SYNE2: variants seen among roughly 807,000 people sequenced by gnomAD.
The protein encoded by SYNE2 is spectrin repeat containing nuclear envelope protein 2.
SYNE2 carries 431 observed loss-of-function variants against 856.3 expected under a neutral mutation model. That is an observed-to-expected ratio of 0.50 (90% CI 0.47 to 0.55). The LOEUF is 0.55. SYNE2 is among the 20% of genes least tolerant of loss of function. The probability of loss-of-function intolerance (pLI) is 0.00; values close to 1 mark genes in which losing one functional copy is unlikely to be tolerated. For missense variants in SYNE2, 8,129 were observed against 8,023.2 expected (o/e 1.01, Z -0.50); for synonymous variants, 2,923 against 2,872.3 (o/e 1.02, Z -0.56).
chr14:63,811,661 T>A (rs1032020501), intron 1 of SYNE2, among the ~76,000 whole-genome samples: 16 of 152,216 alleles, frequency 1.1e-4, no homozygotes, highest in Non-Finnish European at 2.4e-4. Context: ...AGGTTCTTTC[T>A]ATTTTCCCTA....
chr14:63,800,409 A>G (rs1157392835), intron 1 of SYNE2, among the ~76,000 whole-genome samples: 4 of 152,034 alleles, frequency 2.6e-5, no homozygotes, highest in Non-Finnish European at 5.9e-5. Flanking sequence ...GAGCCTCCCA[A>G]AGAGCTGGGA....
At chr14:63,782,177 T>C (rs1218535034) in intron 1 of SYNE2, among the ~76,000 whole-genome samples, 1 of 149,274 alleles carries the variant, frequency 6.7e-6, no homozygotes, top group Non-Finnish European at 1.5e-5. Flanking sequence ...GAAAAGGGCT[T>C]AAAGAATGAT....
chr14:63,843,409 G>A (rs1177879073), intron 1 of SYNE2, among the ~76,000 whole-genome samples: 9 of 152,046 alleles, frequency 5.9e-5, no homozygotes, highest in African/African-American at 2.2e-4. Context: ...GAATTATCTT[G>A]GGTTTTCTAG....
chr14:63,844,270 C>T (rs1890160135), intron 1 of SYNE2, among the ~76,000 whole-genome samples: 2 of 152,178 alleles, frequency 1.3e-5, no homozygotes, highest in Admixed American at 1.3e-4. Context: ...TACTTGGAGT[C>T]ATACAGTACG....
intron 53 of SYNE2, chr14:64,075,510 T>C (rs1479177045): frequency 4.7e-6 from 1 of 214,850 alleles, no homozygotes; most frequent in Admixed American, 5.3e-5. Context: ...TGTGGGGCTT[T>C]TAGTGGCCTT....
Position 64,220,568 on chromosome 14 carries a change from C to G in SYNE2, c.19992C>G (p.Leu6664=). The change falls in exon 111 of 116, where the codon CTC becomes CTG. Residue 6664 remains leucine, a synonymous_variant. Transcript: ENST00000555002. Reference sequence around the variant, plus strand: ...GTAGACTCCGCCAGCTGAGCCTGCTCTGGGAAGCAGCACAGGGCGCAGTGG... The same window carrying G: ...GTAGACTCCGCCAGCTGAGCCTGCTGTGGGAAGCAGCACAGGGCGCAGTGG... ...LQSRLRQLSL[L]WEAAQGAVDS... 6.2e-7 allele frequency: 1 copy of G among 1,614,174 alleles called. No homozygotes were observed. Among genetic ancestry groups the G allele is most frequent in the Non-Finnish European group, 8.5e-7 (1 of 1,180,020 alleles).
chr14:63,934,740 CCTGATA>C (rs2095808745), intron 2 of SYNE2, among the ~76,000 whole-genome samples: 2 of 152,046 alleles, frequency 1.3e-5, no homozygotes, highest in Admixed American at 1.3e-4. Context: ...GTCTCTTGGA[CCTGATA>C]CTATTGCTGA....
In SYNE2 at chr14:64,119,612, A is replaced by G. The variant is rs749538562; in HGVS notation, c.13023+3A>G. On this transcript the variant is annotated splice_donor_region_variant and intron_variant, in intron 67 of 115. Transcript: ENST00000555002. ...AGGAGAAGCACAGTGAAGATCAGGT[A>G]AAAAATGACTATCTATGGACATTCA... The G allele has an allele frequency of 6.8e-6, 11 of 1,613,816 alleles. No individual in the cohort carries two copies. Among genetic ancestry groups the G allele is most frequent in the Middle Eastern group, 3.3e-4 (2 of 6,082 alleles).
At chr14:63,807,865 A>ATATATATATATATT (rs1267385896) in intron 1 of SYNE2, among the ~76,000 whole-genome samples, 29 of 97,392 alleles carry the variant, frequency 3.0e-4, no homozygotes, top group African/African-American at 9.3e-4. Flanking sequence ...ATATATATAT[A>ATATATATATATATT]ATTTCAATAG....
At position 63,906,487 on chromosome 14, in the gene SYNE2, G is replaced by A. The variant is rs1319663941; in HGVS notation, c.-51-2611G>A. On this transcript the variant is annotated intron_variant, in intron 1 of 115. Transcript: ENST00000555002. ...AAAAAATTATTATTGGTTCAACTTC[G>A]GAGTTTGATATTGGTCTACTCAAGA... 3.9e-5 allele frequency among the ~76,000 whole-genome samples: 6 copies of A among 152,086 alleles called. No individual in the cohort carries two copies. The East Asian group carries it at 7.7e-4, about 20-fold the overall frequency.
chr14:64,002,708 T>C lies in SYNE2; in HGVS notation c.3787-12T>C, dbSNP rs1321975749. 3 of 1,610,702 alleles carry C rather than the reference T, an allele frequency of 1.9e-6. No individual in the cohort carries two copies. Among genetic ancestry groups the C allele is most frequent in the African/African-American group, 1.3e-5 (1 of 74,806 alleles). ...CACCTCAGTGTTTTAGCTTTTCTTATCTTTATTTTAGAATATCCAAGATTC... is the reference window on the plus strand; with the variant it reads ...CACCTCAGTGTTTTAGCTTTTCTTACCTTTATTTTAGAATATCCAAGATTC... On this transcript the variant is annotated splice_polypyrimidine_tract_variant and intron_variant, in intron 29 of 115. Transcript: ENST00000555002.
At position 64,098,879 on chromosome 14, in the gene SYNE2, A is replaced by G. The variant is rs752526490; in HGVS notation, c.12381+58A>G. 1.5e-5 allele frequency: 23 copies of G among 1,536,356 alleles called. No individual in the cohort carries two copies. The East Asian group carries it at 5.2e-4, about 35-fold the overall frequency. On this transcript the variant is annotated intron_variant, in intron 63 of 115. Coordinates refer to ENST00000555002, the MANE Select transcript of SYNE2 (RefSeq NM_182914.3). Reference sequence around the variant, plus strand: ...TAGAACCAGATCTCTAAAAGAAGTCAATGAAAAGATCTTAAAGTGAATGGA... The same window carrying G: ...TAGAACCAGATCTCTAAAAGAAGTCGATGAAAAGATCTTAAAGTGAATGGA...
chr14:63,767,502 A>G (rs1346074857), intron 1 of SYNE2, among the ~76,000 whole-genome samples: 1 of 152,182 alleles, frequency 6.6e-6, no homozygotes, highest in African/African-American at 2.4e-5. Context: ...ATTTGACATT[A>G]AAAATAGAGA....
chr14:63,940,214 C>G (rs2095891149), intron 2 of SYNE2, among the ~76,000 whole-genome samples: 1 of 151,878 alleles, frequency 6.6e-6, no homozygotes, highest in African/African-American at 2.4e-5. Flanking sequence ...TGCCACCATG[C>G]CTAGCTAATT....
intron 32 of SYNE2, among the ~76,000 whole-genome samples, chr14:64,012,002 A>G (rs1048055222): frequency 2.6e-5 from 4 of 152,130 alleles, no homozygotes; most frequent in Non-Finnish European, 4.4e-5. Flanking sequence ...CCTCCCCAGA[A>G]AGTCAATCTC....
At chr14:63,880,382 A>G (rs1324648497) in intron 1 of SYNE2, among the ~76,000 whole-genome samples, 2 of 152,100 alleles carry the variant, frequency 1.3e-5, no homozygotes, top group African/African-American at 2.4e-5. Flanking sequence ...GTGAGCCACC[A>G]TGCCTGGCTG....
chr14:64,000,892 A>T (rs1364356692), intron 28 of SYNE2, among the ~76,000 whole-genome samples, 173 bp downstream of exon 28: 2 of 152,352 alleles, frequency 1.3e-5, no homozygotes, highest in East Asian at 3.9e-4. Context: ...ACTGATACTC[A>T]GAGAGGTTAA....
At chr14:64,188,432 A>G in intron 97 of SYNE2, 118 bp from the exon 98 acceptor site, 1 of 1,139,774 alleles carries the variant, frequency 8.8e-7, no homozygotes, top group Non-Finnish European at 1.3e-6. Context: ...AAAACCAGAC[A>G]AGGTTGAGTG....
At chr14:64,076,306 TATTTA>T (rs1338630295) in intron 54 of SYNE2, among the ~76,000 whole-genome samples, 2 of 152,232 alleles carry the variant, frequency 1.3e-5, no homozygotes, top group Non-Finnish European at 2.9e-5. Flanking sequence ...GATTTATATG[TATTTA>T]ATTGTCAAAA....
Sources: allele counts gnomAD v4.1 joint callset (sites outside exome capture counted in the v4.1 genomes callset), GRCh38; gene constraint gnomAD v4.1.1; transcripts MANE v1.5; gene names NCBI Gene and HGNC (gene_info 2026-07-23, HGNC 2026-07-21).